ANKS1B: variants seen among roughly 807,000 people sequenced by gnomAD.
ANKS1B encodes the protein ankyrin repeat and sterile alpha motif domain containing 1B, also known as ankyrin repeat and sterile alpha motif domain-containing protein 1B.
In ANKS1B, 36 loss-of-function variants were observed where a neutral mutation model predicts 148.3. That is an observed-to-expected ratio of 0.24 (90% CI 0.19 to 0.32). ANKS1B has a LOEUF of 0.32. ANKS1B is among the 10% of genes least tolerant of loss of function. The pLI, the probability that ANKS1B is intolerant of heterozygous loss-of-function variation, is 1.00. For missense variants in ANKS1B, 1,157 were observed against 1,542.6 expected (o/e 0.75, Z 4.19); for synonymous variants, 542 against 560.8 (o/e 0.97, Z 0.47).
At chr12:99,481,431 C>T (rs1006639699) in intron 10 of ANKS1B, among the ~76,000 whole-genome samples, 1 of 151,822 alleles carries the variant, frequency 6.6e-6, no homozygotes, top group Non-Finnish European at 1.5e-5. Context: ...TTTTCTTTAT[C>T]CACTCATTAG....
At chr12:98,958,280 A>G (rs1359999309) in intron 17 of ANKS1B, among the ~76,000 whole-genome samples, 3 of 152,198 alleles carry the variant, frequency 2.0e-5, no homozygotes, top group Non-Finnish European at 4.4e-5. Flanking sequence ...CAGCACTAAA[A>G]CCAACTATTA....
intron 12 of ANKS1B, among the ~76,000 whole-genome samples, chr12:99,327,359 A>G (rs2086640383): frequency 1.7e-5 from 2 of 117,594 alleles, no homozygotes; most frequent in African/African-American, 4.0e-5. Context: ...TACATATTAT[A>G]TATAATTACA....
chr12:99,369,767 T>TAGAC (rs1293935759), intron 12 of ANKS1B, among the ~76,000 whole-genome samples: 49 of 141,482 alleles, frequency 3.5e-4, no homozygotes, highest in Non-Finnish European at 7.0e-4. Flanking sequence ...GATAGATAGA[T>TAGAC]AGATAGATAG....
chr12:99,216,027 T>C (rs1186056705), intron 14 of ANKS1B, among the ~76,000 whole-genome samples: 1 of 152,154 alleles, frequency 6.6e-6, no homozygotes, highest in Non-Finnish European at 1.5e-5. Context: ...AGGGAGGTAA[T>C]TGAATCATGA....
At chr12:98,779,254 T>C (rs1245531735) in intron 24 of ANKS1B, among the ~76,000 whole-genome samples, 2 of 152,192 alleles carry the variant, frequency 1.3e-5, no homozygotes, top group Non-Finnish European at 2.9e-5. Context: ...AGTAGAAGTA[T>C]CTCCTTGAGG....
chr12:98,951,284 A>G (rs746960970), intron 17 of ANKS1B, among the ~76,000 whole-genome samples: 2 of 152,180 alleles, frequency 1.3e-5, no homozygotes, highest in Non-Finnish European at 2.9e-5. Flanking sequence ...GAAACTTTGG[A>G]AAGAGAGGGG....
At chr12:99,494,477 A>G (rs1446367015) in intron 10 of ANKS1B, among the ~76,000 whole-genome samples, 2 of 152,088 alleles carry the variant, frequency 1.3e-5, no homozygotes, top group African/African-American at 4.8e-5. Flanking sequence ...GCAGTAAAAA[A>G]GGACAATTCA....
chr12:99,934,221 C>T (rs145660803), intron 1 of ANKS1B, among the ~76,000 whole-genome samples: 94 of 152,100 alleles, frequency 6.2e-4, no homozygotes, highest in African/African-American at 2.2e-3. Flanking sequence ...GTAATACTGG[C>T]CTGTAGTTTT....
In ANKS1B at chr12:99,599,787, G is replaced by T. The variant is rs545061470; in HGVS notation, c.1272+55280C>A. Among the ~76,000 whole-genome samples, 9 of 152,126 alleles carry T rather than the reference G, an allele frequency of 5.9e-5. No individual in the cohort carries two copies. The South Asian group carries it at 1.5e-3, about 25-fold the overall frequency. On this transcript the variant is annotated intron_variant, in intron 9 of 26. Coordinates refer to ENST00000683438, the MANE Select transcript of ANKS1B (RefSeq NM_001352186.2). The stretch of plus-strand genomic sequence containing the variant: ...TGGCTTTGGACATGCAAATCTAGAG[G>T]TGTCTGCATGGCATCCAAATTGAGA...
At chr12:99,116,453 T>C (rs79919729) in intron 15 of ANKS1B, among the ~76,000 whole-genome samples, 118 of 152,314 alleles carry the variant, frequency 7.7e-4, no homozygotes, top group African/African-American at 2.7e-3. Context: ...TTTTATTAAC[T>C]AGTACATATA....
At chr12:99,752,258 A>G (rs940983677) in intron 8 of ANKS1B, among the ~76,000 whole-genome samples, 2 of 152,006 alleles carry the variant, frequency 1.3e-5, no homozygotes, top group Non-Finnish European at 2.9e-5. Context: ...GCAACATCCC[A>G]GACTCTCAGA....
At chr12:99,506,838 A>T (rs1338606424) in intron 9 of ANKS1B, among the ~76,000 whole-genome samples, 2 of 152,070 alleles carry the variant, frequency 1.3e-5, no homozygotes, top group Non-Finnish European at 2.9e-5. Context: ...AAGCAACAGA[A>T]GGAAGTCCTC....
At chr12:98,737,963 C>A (rs1435204679) in intron 9 of ANKS1B, among the ~76,000 whole-genome samples, 1 of 152,176 alleles carries the variant, frequency 6.6e-6, no homozygotes, top group Non-Finnish European at 1.5e-5. Context: ...GGAATACATT[C>A]CTTGCTCATA....
chr12:99,052,734 C>CAAAAAAAAA (rs56965572), intron 17 of ANKS1B, among the ~76,000 whole-genome samples: 29 of 26,008 alleles, frequency 1.1e-3, no homozygotes, highest in African/African-American at 3.8e-3. Context: ...GACTCCGTCT[C>CAAAAAAAAA]AAAAAAAAAA....
chr12:99,752,434 T>C (rs2061194488), intron 8 of ANKS1B, among the ~76,000 whole-genome samples: 1 of 151,974 alleles, frequency 6.6e-6, no homozygotes, highest in Admixed American at 6.6e-5. Flanking sequence ...AGTCGTTTTT[T>C]TTGTCTGCCA....
chr12:99,357,134 C>T (rs974382646), intron 12 of ANKS1B, among the ~76,000 whole-genome samples: 2 of 151,870 alleles, frequency 1.3e-5, no homozygotes, highest in African/African-American at 4.8e-5. Context: ...ATTTATAACA[C>T]TTTTTAATAA....
At chr12:98,810,434 TA>T (rs1328560921) in intron 19 of ANKS1B, among the ~76,000 whole-genome samples, 1 of 152,202 alleles carries the variant, frequency 6.6e-6, no homozygotes, top group African/African-American at 2.4e-5. Context: ...TGTGTTTAGC[TA>T]ATCTGTTCAG....
chr12:99,096,487 C>T (rs1435839704), intron 15 of ANKS1B, among the ~76,000 whole-genome samples: 1 of 152,030 alleles, frequency 6.6e-6, no homozygotes, highest in Non-Finnish European at 1.5e-5. Flanking sequence ...AGGAGATGAT[C>T]GCTGTGGGCA....
chr12:99,702,018 T>C (rs1415448575), intron 8 of ANKS1B, among the ~76,000 whole-genome samples: 1 of 152,200 alleles, frequency 6.6e-6, no homozygotes, highest in Admixed American at 6.5e-5. Flanking sequence ...CAGGTATCTC[T>C]TTGATATACT....
Sources: allele counts gnomAD v4.1 joint callset (sites outside exome capture counted in the v4.1 genomes callset), GRCh38; gene constraint gnomAD v4.1.1; transcripts MANE v1.5; gene names NCBI Gene and HGNC (gene_info 2026-07-23, HGNC 2026-07-21).